The following SUSD6 variants were observed in gnomAD, a reference collection of about 807,000 sequenced individuals.
The protein encoded by SUSD6 is sushi domain containing 6, also known as sushi domain-containing protein 6.
In SUSD6, 16 loss-of-function variants were observed where a neutral mutation model predicts 28.4. The ratio of observed to expected loss-of-function variants is 0.56; its 90% CI spans 0.38 to 0.86. SUSD6 has a LOEUF of 0.86. SUSD6 is among the 40% of genes least tolerant of loss of function. The probability of loss-of-function intolerance (pLI) is 0.00; values close to 1 mark genes in which losing one functional copy is unlikely to be tolerated. For synonymous variants in SUSD6, 147 were observed against 159.6 expected (o/e 0.92, Z 0.59); for missense variants, 341 against 384.2 (o/e 0.89, Z 0.94).
At chr14:69,623,995 T>C (rs1440962068) in intron 1 of SUSD6, among the ~76,000 whole-genome samples, 5 of 152,010 alleles carry the variant, frequency 3.3e-5, no homozygotes, top group Non-Finnish European at 7.4e-5. Context: ...AAGTGTACAG[T>C]GTTTATAAAG....
chr14:69,627,065 A>G (rs1885125266), intron 1 of SUSD6, among the ~76,000 whole-genome samples: 1 of 152,174 alleles, frequency 6.6e-6, no homozygotes, highest in Non-Finnish European at 1.5e-5. Context: ...TAAAGACCTC[A>G]TGGAAGGGAC....
chr14:69,669,452 A>T (rs1170963580), intron 2 of SUSD6, among the ~76,000 whole-genome samples: 6 of 152,218 alleles, frequency 3.9e-5, no homozygotes, highest in Admixed American at 2.0e-4. Flanking sequence ...TGAAGGAGGA[A>T]TGTATATGGA....
chr14:69,694,093 T>C (rs1453735393), intron 2 of SUSD6, among the ~76,000 whole-genome samples: 1 of 55,584 alleles, frequency 1.8e-5, no homozygotes, highest in Non-Finnish European at 5.6e-5. Flanking sequence ...GTACTAGGGA[T>C]ACAAAAATGA....
At chr14:69,620,660 CGTT>C (rs2139590831) in intron 1 of SUSD6, among the ~76,000 whole-genome samples, 1 of 152,284 alleles carries the variant, frequency 6.6e-6, no homozygotes, top group East Asian at 1.9e-4. Flanking sequence ...TGAAAAGTAT[CGTT>C]AGAGAGTTTC....
At chr14:69,631,616 C>G (rs1418964547) in intron 1 of SUSD6, among the ~76,000 whole-genome samples, 1 of 152,088 alleles carries the variant, frequency 6.6e-6, no homozygotes, top group Non-Finnish European at 1.5e-5. Flanking sequence ...ACTAAGCACT[C>G]AAATGCCAGT....
chr14:69,676,454 A>G (rs529340223), intron 2 of SUSD6, among the ~76,000 whole-genome samples: 1 of 150,736 alleles, frequency 6.6e-6, no homozygotes, highest in Non-Finnish European at 1.5e-5. Context: ...ATCACGGCTC[A>G]TTGCAGCCTC....
chr14:69,696,734 A>T (rs902747913), intron 2 of SUSD6, among the ~76,000 whole-genome samples: 1 of 152,200 alleles, frequency 6.6e-6, no homozygotes, highest in East Asian at 1.9e-4. Flanking sequence ...AGCCACTACT[A>T]GGTGGCTGCA....
intron 1 of SUSD6, among the ~76,000 whole-genome samples, chr14:69,645,184 T>TG (rs1179977848): frequency 6.6e-6 from 1 of 152,168 alleles, no homozygotes; most frequent in African/African-American, 2.4e-5. Flanking sequence ...TGCACCTCAT[T>TG]GGGGCTGTTA....
intron 1 of SUSD6, among the ~76,000 whole-genome samples, chr14:69,619,772 AAAAC>A (rs535464461): frequency 2.8e-3 from 429 of 152,126 alleles, no homozygotes; most frequent in African/African-American, 0.01. Context: ...ACCCTGTCTC[AAAAC>A]AAACAAACAA....
intron 1 of SUSD6, among the ~76,000 whole-genome samples, chr14:69,619,294 CTG>C (rs1885001709): frequency 6.6e-6 from 1 of 152,354 alleles, no homozygotes; most frequent in African/African-American, 2.4e-5. Context: ...TGAAAGAAAA[CTG>C]TTCTTAAAAT....
At chr14:69,622,811 C>G (rs1885060743) in intron 1 of SUSD6, among the ~76,000 whole-genome samples, 1 of 152,142 alleles carries the variant, frequency 6.6e-6, no homozygotes, top group Non-Finnish European at 1.5e-5. Context: ...TCAGGCTGGT[C>G]TCGAACTCCT....
rs139566569 is a variant in SUSD6 at position 69,679,329 on chromosome 14, G to T, written c.121+20616G>T. On this transcript the variant is annotated intron_variant, in intron 2 of 5. Transcript: ENST00000342745. ...TAGTTGAGTTTACAGAAGCTATATG[G>T]CATGTGTTGTGATCATTGATGTTAA... Among the ~76,000 whole-genome samples, 161 of 152,240 alleles carry T rather than the reference G, an allele frequency of 1.1e-3. 2 individuals carry two copies. In the East Asian group the frequency reaches 0.021, roughly 20 times the overall value.
At chr14:69,683,131 C>T (rs1886022804) in intron 2 of SUSD6, among the ~76,000 whole-genome samples, 1 of 151,988 alleles carries the variant, frequency 6.6e-6, no homozygotes, top group African/African-American at 2.4e-5. Flanking sequence ...TTGATGTGAG[C>T]TGAAATGCAG....
chr14:69,652,284 T>A (rs1055300631), intron 1 of SUSD6, among the ~76,000 whole-genome samples: 2 of 151,976 alleles, frequency 1.3e-5, no homozygotes, highest in Non-Finnish European at 2.9e-5. Context: ...CTGTCTCTAC[T>A]AAAAATACAA....
intron 2 of SUSD6, among the ~76,000 whole-genome samples, chr14:69,666,466 G>A (rs778422849): frequency 3.9e-5 from 6 of 152,122 alleles, no homozygotes; most frequent in Non-Finnish European, 8.8e-5. Flanking sequence ...TTTTTATTTC[G>A]TCAGCACAGT....
chr14:69,651,488 T>G (rs1885503026), intron 1 of SUSD6, among the ~76,000 whole-genome samples: 1 of 152,212 alleles, frequency 6.6e-6, no homozygotes, highest in Non-Finnish European at 1.5e-5. Flanking sequence ...AGTTTGATGT[T>G]TGCCTTTTCA....
chr14:69,710,582 T>G (rs1886448471), intron 5 of SUSD6, among the ~76,000 whole-genome samples: 1 of 152,104 alleles, frequency 6.6e-6, no homozygotes, highest in Non-Finnish European at 1.5e-5. Flanking sequence ...GGGAAGTGAT[T>G]TATCCAAAGT....
At chr14:69,690,694 T>A (rs1886140321) in intron 2 of SUSD6, among the ~76,000 whole-genome samples, 1 of 152,138 alleles carries the variant, frequency 6.6e-6, no homozygotes, top group African/African-American at 2.4e-5. Flanking sequence ...TGGTGGTCAT[T>A]TGGGAGAAGG....
intron 2 of SUSD6, among the ~76,000 whole-genome samples, chr14:69,683,117 T>C (rs541189227): frequency 2.6e-5 from 4 of 152,178 alleles, no homozygotes; most frequent in African/African-American, 9.7e-5. Context: ...CTTTGTTTCA[T>C]GCTTTGATGT....
Sources: gnomAD v4.1 joint callset for allele counts (sites outside exome capture counted in the v4.1 genomes callset) on GRCh38, gnomAD v4.1.1 for gene constraint, MANE v1.5 for transcripts, NCBI Gene and HGNC (gene_info 2026-07-23, HGNC 2026-07-21) for gene names.